GDAP1L1: variants seen among roughly 807,000 people sequenced by gnomAD.
GDAP1L1 encodes the protein ganglioside induced differentiation associated protein 1 like 1.
Under a neutral mutation model 37.1 loss-of-function variants are expected in GDAP1L1, and 21 were observed. That is an observed-to-expected ratio of 0.57 (90% CI 0.40 to 0.81). The LOEUF is 0.81. GDAP1L1 is among the 40% of genes least tolerant of loss of function. The pLI, the probability that GDAP1L1 is intolerant of heterozygous loss-of-function variation, is 0.00. For synonymous variants in GDAP1L1, 193 were observed against 209.1 expected (o/e 0.92, Z 0.67); for missense variants, 362 against 491.6 (o/e 0.74, Z 2.49).
chr20:44,259,762 G>T (rs1177087199), intron 3 of GDAP1L1, among the ~76,000 whole-genome samples: 2 of 152,088 alleles, frequency 1.3e-5, no homozygotes, highest in East Asian at 1.9e-4. Context: ...CTCTCAAAGC[G>T]CTGGGATTAT....
chr20:44,262,121 C>G (rs2073684041), intron 3 of GDAP1L1, among the ~76,000 whole-genome samples: 1 of 151,768 alleles, frequency 6.6e-6, no homozygotes, highest in Non-Finnish European at 1.5e-5. Flanking sequence ...AGTGAGGAGC[C>G]AGGGATGGGT....
At chr20:44,276,968 A>G (rs2062589301) in intron 5 of GDAP1L1, among the ~76,000 whole-genome samples, 1 of 152,122 alleles carries the variant, frequency 6.6e-6, no homozygotes, top group Admixed American at 6.5e-5. Context: ...GGCTTCACAG[A>G]CCACCAATTT....
chr20:44,264,129 C>T (rs7273969), intron 4 of GDAP1L1, among the ~76,000 whole-genome samples: 21 of 151,904 alleles, frequency 1.4e-4, no homozygotes, highest in African/African-American at 5.1e-4. Context: ...GGGTGCGGGC[C>T]GGTAACCTCC....
intron 3 of GDAP1L1, among the ~76,000 whole-genome samples, chr20:44,261,454 C>G (rs554729895): frequency 1.7e-3 from 257 of 152,280 alleles, no homozygotes; most frequent in African/African-American, 5.8e-3. Flanking sequence ...GCTAAACAAC[C>G]TAAGTCACTC....
intron 5 of GDAP1L1, among the ~76,000 whole-genome samples, chr20:44,278,749 A>T (rs2146069685): frequency 6.6e-6 from 1 of 152,170 alleles, no homozygotes; most frequent in African/African-American, 2.4e-5. Context: ...CAAAAGAATA[A>T]AAAAAAAGAA....
intron 5 of GDAP1L1, among the ~76,000 whole-genome samples, chr20:44,267,628 AAAAG>A (rs1192881521): frequency 2.0e-5 from 3 of 151,950 alleles, no homozygotes; most frequent in Non-Finnish European, 4.4e-5. Context: ...AAAAAAAAAA[AAAAG>A]GCAGGGGGTG....
chr20:44,272,015 G>A (rs1030146817), intron 5 of GDAP1L1, among the ~76,000 whole-genome samples: 16 of 152,260 alleles, frequency 1.1e-4, no homozygotes, highest in African/African-American at 3.8e-4. Flanking sequence ...CTCGCAGAGA[G>A]GAGCTGAGGG....
At chr20:44,267,530 G>C (rs2062467001) in intron 5 of GDAP1L1, among the ~76,000 whole-genome samples, 1 of 151,150 alleles carries the variant, frequency 6.6e-6, no homozygotes, top group Non-Finnish European at 1.5e-5. Context: ...AGAATCACTT[G>C]AACCCAGGAG....
chr20:44,264,660 C>A, intron 5 of GDAP1L1, 101 bp downstream of exon 5: 1 of 1,515,040 alleles, frequency 6.6e-7, no homozygotes, highest in Non-Finnish European at 8.9e-7. Flanking sequence ...CTCAGAGGAC[C>A]TCCCAGGTGG....
intron 2 of GDAP1L1, among the ~76,000 whole-genome samples, chr20:44,258,023 A>G (rs2073594814): frequency 6.6e-6 from 1 of 152,144 alleles, no homozygotes; most frequent in Non-Finnish European, 1.5e-5. Context: ...TCAGGAACTT[A>G]CTGCCCATTG....
At chr20:44,271,213 G>A (rs749027648) in intron 5 of GDAP1L1, among the ~76,000 whole-genome samples, 12 of 152,134 alleles carry the variant, frequency 7.9e-5, no homozygotes, top group East Asian at 1.9e-4. Context: ...GCAGTGAGTC[G>A]TCTTCTGGGA....
intron 5 of GDAP1L1, among the ~76,000 whole-genome samples, chr20:44,273,572 T>G (rs2062542645): frequency 6.6e-6 from 1 of 152,242 alleles, no homozygotes; most frequent in Non-Finnish European, 1.5e-5. Flanking sequence ...ATACTTGCTT[T>G]GCAAAACCTC....
At position 44,257,457 on chromosome 20, in the gene GDAP1L1, C is replaced by T. The variant is rs375061823; in HGVS notation, c.373+112C>T. 1.6e-3 allele frequency: 1,759 copies of T among 1,117,900 alleles called. 4 individuals carry two copies. The highest frequency in any genetic ancestry group is 2.0e-3 in the Non-Finnish European group (1,606 of 793,176). 69.2% of individuals were successfully genotyped at this position (1,117,900 alleles called of 1,614,324 possible). A position where few individuals can be genotyped will look rare whatever the true frequency, so the allele number is the denominator to read the frequency against. On this transcript the variant is annotated intron_variant, in intron 2 of 5. Coordinates refer to ENST00000342560, the MANE Select transcript of GDAP1L1 (RefSeq NM_024034.6). ...GGGAAGTCTGGGAAATTCACTGGAG[C>T]CATGGGCAAGGCCCAGTCTCCCCAA...
chr20:44,264,862 T>A (rs2073736943), intron 5 of GDAP1L1: 1 of 1,137,102 alleles, frequency 8.8e-7, no homozygotes, highest in Admixed American at 4.2e-5. Context: ...AGTGCTTAGA[T>A]CAGGGCTTAG....
At chr20:44,265,088 C>T in intron 5 of GDAP1L1, 1 of 985,398 alleles carries the variant, frequency 1.0e-6, no homozygotes, top group Non-Finnish European at 1.2e-6. Context: ...CTCCCTTACA[C>T]AACTTGATGG....
chr20:44,276,456 G>GAAAGAAAGAAAGAAAGAAAGAA lies in GDAP1L1; in HGVS notation c.761-2490_761-2489insGAAAGAAAGAAAAAGAAAGAAA, dbSNP rs1555801209. On this transcript the variant is annotated intron_variant, in intron 5 of 5. Coordinates refer to ENST00000342560, the MANE Select transcript of GDAP1L1 (RefSeq NM_024034.6). ...AGAAAGAAAGAAAGAAAGAAAGAAA[G>GAAAGAAAGAAAGAAAGAAAGAA]AAAGAAAGAAAAAGAAAGGCAGAAA... Among the ~76,000 whole-genome samples the GAAAGAAAGAAAGAAAGAAAGAA allele has an allele frequency of 7.2e-4, 108 of 150,168 alleles. 1 individual carries two copies. Among genetic ancestry groups the GAAAGAAAGAAAGAAAGAAAGAA allele is most frequent in the South Asian group, 2.8e-3 (13 of 4,724 alleles).
chr20:44,248,170 G>T (rs1347264327), intron 1 of GDAP1L1, among the ~76,000 whole-genome samples: 1 of 152,198 alleles, frequency 6.6e-6, no homozygotes, highest in Non-Finnish European at 1.5e-5. Context: ...AGTGGCCCCA[G>T]CCCCTAAAAT....
Position 44,247,326 on chromosome 20 carries a change from C to T in GDAP1L1, c.-9C>T, listed in dbSNP as rs373331422. On this transcript the variant is annotated 5_prime_UTR_variant, in exon 1 of 6. Coordinates refer to ENST00000342560, the MANE Select transcript of GDAP1L1 (RefSeq NM_024034.6). Reference sequence around the variant, plus strand: ...CCTCCTTCTTTCCTGCCTCTGATTCCGGGCTGTCATGGCGACCCCCAACAA... The same window carrying T: ...CCTCCTTCTTTCCTGCCTCTGATTCTGGGCTGTCATGGCGACCCCCAACAA... The T allele has an allele frequency of 6.2e-7, 1 of 1,613,360 alleles. No homozygotes were observed. Among genetic ancestry groups the T allele is most frequent in the Non-Finnish European group, 8.5e-7 (1 of 1,179,760 alleles).
At position 44,257,130 on chromosome 20, in the gene GDAP1L1, C is replaced by G. The variant is rs201453149; in HGVS notation, c.181-23C>G. The G allele has an allele frequency of 4.5e-6, 7 of 1,552,426 alleles. No homozygotes were observed. The South Asian group carries it at 5.9e-5, about 13-fold the overall frequency. ...GTCCCCTGTGTCCGCCCGCCTTCCC[C>G]GCTCTGACCCTGGCGCCTGCAGGTG... On this transcript the variant is annotated intron_variant, in intron 1 of 5. Coordinates refer to ENST00000342560, the MANE Select transcript of GDAP1L1 (RefSeq NM_024034.6).
Sources: allele counts gnomAD v4.1 joint callset (sites outside exome capture counted in the v4.1 genomes callset), GRCh38; gene constraint gnomAD v4.1.1; transcripts MANE v1.5; gene names NCBI Gene and HGNC (gene_info 2026-07-23, HGNC 2026-07-21).